The following SV2C variants were observed in gnomAD, a reference collection of about 807,000 sequenced individuals.
SV2C encodes the protein synaptic vesicle glycoprotein 2C, also known as solute carrier family 22 member B3.
Under a neutral mutation model 79.7 loss-of-function variants are expected in SV2C, and 49 were observed. The ratio of observed to expected loss-of-function variants is 0.61; its 90% CI spans 0.49 to 0.78. SV2C has a LOEUF of 0.78. SV2C is among the 30% of genes least tolerant of loss of function. SV2C has a pLI of 0.00. For missense variants in SV2C, 833 were observed against 912.9 expected (o/e 0.91, Z 1.13); for synonymous variants, 334 against 333.2 (o/e 1.00, Z -0.03).
At chr5:76,034,572 A>G in the SV2C span, among the ~76,000 whole-genome samples, 3 of 152,130 alleles carry the variant, frequency 2.0e-5, no homozygotes, top group Non-Finnish European at 4.4e-5. Flanking sequence ...CGTATATTGA[A>G]CCAGCCTTGC....
chr5:76,339,445 T>C (rs1400449772), intron 12 of SV2C, among the ~76,000 whole-genome samples: 2 of 152,210 alleles, frequency 1.3e-5, no homozygotes, highest in African/African-American at 2.4e-5. Flanking sequence ...ATGGGCATGG[T>C]GGCTCACGCC....
chr5:75,865,369 G>A, the SV2C span, among the ~76,000 whole-genome samples: 1 of 152,124 alleles, frequency 6.6e-6, no homozygotes, highest in African/African-American at 2.4e-5. Context: ...TCATGTCAAT[G>A]GTCATATAAA....
At chr5:76,071,462 G>A in the SV2C span, among the ~76,000 whole-genome samples, 14,215 of 152,156 alleles carry the variant, frequency 0.093, 2,222 homozygotes, top group African/African-American at 0.32. Flanking sequence ...CTTGGGACTG[G>A]GAGTTGAGTG....
intron 12 of SV2C, among the ~76,000 whole-genome samples, chr5:76,344,955 T>C (rs2112587867): frequency 6.6e-6 from 1 of 152,290 alleles, no homozygotes; most frequent in East Asian, 1.9e-4. Flanking sequence ...ACAGGCACAA[T>C]TCAACCCTAA....
At chr5:76,177,316 A>G (rs1202875280) in intron 2 of SV2C, among the ~76,000 whole-genome samples, 1 of 151,296 alleles carries the variant, frequency 6.6e-6, no homozygotes, top group Non-Finnish European at 1.5e-5. Flanking sequence ...TGGGAAGTAC[A>G]GAGATCTTCC....
At chr5:75,910,210 G>T in the SV2C span, 1 of 375,876 alleles carries the variant, frequency 2.7e-6, no homozygotes, top group Non-Finnish European at 5.1e-6. Context: ...GCTGAAGCAG[G>T]TGGATTGCAT....
intron 3 of SV2C, among the ~76,000 whole-genome samples, chr5:76,203,065 C>A (rs972799639): frequency 6.6e-6 from 1 of 152,144 alleles, no homozygotes; most frequent in Non-Finnish European, 1.5e-5. Context: ...AAAAGGCTGA[C>A]CTTTTGGACA....
intron 3 of SV2C, among the ~76,000 whole-genome samples, chr5:76,199,282 A>AG (rs1209824619): frequency 6.6e-6 from 1 of 152,198 alleles, no homozygotes; most frequent in African/African-American, 2.4e-5. Flanking sequence ...TTTTAAATTG[A>AG]GAAAAACTAC....
At chr5:76,032,594 T>G in the SV2C span, among the ~76,000 whole-genome samples, 35 of 152,350 alleles carry the variant, frequency 2.3e-4, no homozygotes, top group African/African-American at 8.2e-4. Context: ...TTTTTATGGC[T>G]GCATAGTATT....
At chr5:76,176,306 TAAG>T (rs1286527310) in intron 2 of SV2C, among the ~76,000 whole-genome samples, 6 of 152,248 alleles carry the variant, frequency 3.9e-5, no homozygotes, top group Non-Finnish European at 8.8e-5. Context: ...CCCAGTTTTC[TAAG>T]AAGAGCTGCG....
chr5:76,254,184 G>A (rs1387356408), intron 4 of SV2C, among the ~76,000 whole-genome samples: 10 of 149,958 alleles, frequency 6.7e-5, no homozygotes, highest in Non-Finnish European at 1.2e-4. Flanking sequence ...ATATATATGT[G>A]TGTGTGTATA....
At chr5:76,158,747 C>G (rs1262688910) in intron 2 of SV2C, among the ~76,000 whole-genome samples, 1 of 151,982 alleles carries the variant, frequency 6.6e-6, no homozygotes, top group Non-Finnish European at 1.5e-5. Flanking sequence ...CAATTCTTTA[C>G]AAATTCTTCA....
chr5:76,144,956 T>C (rs1434480887), intron 2 of SV2C, among the ~76,000 whole-genome samples: 1 of 152,248 alleles, frequency 6.6e-6, no homozygotes, highest in South Asian at 2.1e-4. Context: ...AATAATAGAA[T>C]TGGAGAGAAT....
the SV2C span, among the ~76,000 whole-genome samples, chr5:75,978,716 G>A: frequency 2.4e-4 from 36 of 152,310 alleles, no homozygotes; most frequent in African/African-American, 8.4e-4. Flanking sequence ...GCAACTGAAT[G>A]GAGAGAAATT....
At chr5:75,977,091 A>G in the SV2C span, among the ~76,000 whole-genome samples, 2 of 152,236 alleles carry the variant, frequency 1.3e-5, no homozygotes, top group African/African-American at 2.4e-5. Context: ...TGAAAAATAT[A>G]AATTATTTAC....
In SV2C at chr5:76,209,660, G is replaced by A. The variant is rs985670121; in HGVS notation, c.762-76G>A. ...GAGAAAGCATGTGTTGTTAGAGTTT[G>A]CTTTGGCTCTGCCCTTTGCGTCTCA... On this transcript the variant is annotated intron_variant, in intron 3 of 12. Transcript: ENST00000502798. 7 of 1,438,434 alleles carry A rather than the reference G, an allele frequency of 4.9e-6. No individual in the cohort carries two copies. In the African/African-American group the frequency reaches 7.1e-5, roughly 14 times the overall value. The allele number at this position is 1,438,434 out of a possible 1,614,324, so 89.1% of individuals were successfully genotyped here.
chr5:75,870,608 A>G, the SV2C span, among the ~76,000 whole-genome samples: 25 of 152,332 alleles, frequency 1.6e-4, no homozygotes, highest in Non-Finnish European at 3.5e-4. Flanking sequence ...CAAAGGGATA[A>G]TAATGGAGAA....
chr5:75,853,145 T>A, the SV2C span, among the ~76,000 whole-genome samples: 215 of 152,236 alleles, frequency 1.4e-3, 1 homozygote, highest in African/African-American at 4.2e-3. Context: ...TAAGGATGCA[T>A]ACAACAACAA....
chr5:75,996,271 G>A, the SV2C span, among the ~76,000 whole-genome samples: 1 of 152,070 alleles, frequency 6.6e-6, no homozygotes, highest in Admixed American at 6.6e-5. Context: ...TTTTTCTCAG[G>A]TTTGTCAAAG....
Sources: allele counts gnomAD v4.1 joint callset (sites outside exome capture counted in the v4.1 genomes callset), GRCh38; gene constraint gnomAD v4.1.1; transcripts MANE v1.5; gene names NCBI Gene and HGNC (gene_info 2026-07-23, HGNC 2026-07-21).